SHISA9: variants seen among roughly 807,000 people sequenced by gnomAD.
SHISA9 encodes protein shisa-9.
Under a neutral mutation model 38.0 loss-of-function variants are expected in SHISA9, and 13 were observed. The observed-to-expected ratio is 0.34, with a 90% CI of 0.22 to 0.54. The LOEUF (loss-of-function observed/expected upper bound fraction) is 0.54. Ranked by LOEUF, SHISA9 falls within the 20% of genes least tolerant of loss-of-function variation. The pLI is 0.91. For synonymous variants in SHISA9, 275 were observed against 242.0 expected, an observed-to-expected ratio of 1.14 and a Z score of -1.27; for missense variants, 538 against 575.8, an observed-to-expected ratio of 0.93 and a Z score of 0.67.
At chr16:13,023,631 C>T (rs1317057220) in intron 2 of SHISA9, among the ~76,000 whole-genome samples, 2 of 152,228 alleles carry the variant, frequency 1.3e-5, no homozygotes, top group Non-Finnish European at 2.9e-5. Context: ...TTTACACTCC[C>T]ATCAACAGTG....
At chr16:13,081,557 G>A (rs1418146765) in intron 2 of SHISA9, among the ~76,000 whole-genome samples, 1 of 150,974 alleles carries the variant, frequency 6.6e-6, no homozygotes, top group Non-Finnish European at 1.5e-5. Context: ...TTTTTGATCC[G>A]AGGTAGCCAA....
chr16:12,905,677 C>T (rs574110285), intron 1 of SHISA9, among the ~76,000 whole-genome samples: 8 of 151,566 alleles, frequency 5.3e-5, no homozygotes, highest in South Asian at 4.2e-4. Flanking sequence ...CTGCAACCTC[C>T]GCCTCCCAGG....
At chr16:13,271,777 GGT>G in the SHISA9 span, among the ~76,000 whole-genome samples, 1 of 151,936 alleles carries the variant, frequency 6.6e-6, no homozygotes, top group East Asian at 1.9e-4. Context: ...TTATGGGGGG[GGT>G]GTGTGTGTGA....
At chr16:13,306,237 G>A in the SHISA9 span, among the ~76,000 whole-genome samples, 1 of 152,218 alleles carries the variant, frequency 6.6e-6, no homozygotes, top group African/African-American at 2.4e-5. Context: ...CAATCTGCAG[G>A]AAGGGAGGGG....
intron 2 of SHISA9, among the ~76,000 whole-genome samples, chr16:13,137,536 A>G (rs983652843): frequency 6.7e-6 from 1 of 148,776 alleles, no homozygotes; most frequent in Non-Finnish European, 1.5e-5. Flanking sequence ...GCTCACTGCA[A>G]CGTCCGCCTC....
At chr16:13,031,464 CTG>C (rs1472600948) in intron 2 of SHISA9, among the ~76,000 whole-genome samples, 1 of 152,154 alleles carries the variant, frequency 6.6e-6, no homozygotes. Context: ...CAACCAGTAA[CTG>C]TGCAAAGGCT....
At chr16:13,270,000 G>C in the SHISA9 span, among the ~76,000 whole-genome samples, 94 of 152,208 alleles carry the variant, frequency 6.2e-4, no homozygotes, top group Middle Eastern at 0.014. Flanking sequence ...GAGACCCAGA[G>C]AGCCTGACCC....
At chr16:13,028,592 T>A (rs1446712544) in intron 2 of SHISA9, among the ~76,000 whole-genome samples, 1 of 152,120 alleles carries the variant, frequency 6.6e-6, no homozygotes, top group African/African-American at 2.4e-5. Context: ...ATGATTCAAT[T>A]ATCTCCTACC....
chr16:13,227,745 C>T (rs974566799), intron 4 of SHISA9, among the ~76,000 whole-genome samples: 10 of 152,116 alleles, frequency 6.6e-5, no homozygotes, highest in African/African-American at 2.4e-4. Flanking sequence ...ATAAAGCTTC[C>T]CTGACCACCA....
chr16:13,004,943 G>GAAAAAAA (rs59694628), intron 2 of SHISA9, among the ~76,000 whole-genome samples: 45 of 103,728 alleles, frequency 4.3e-4, no homozygotes, highest in African/African-American at 5.9e-4. Flanking sequence ...TTAAGAAAAA[G>GAAAAAAA]AAAAAAAAAA....
chr16:13,249,567 A>G, the SHISA9 span, among the ~76,000 whole-genome samples: 2 of 152,170 alleles, frequency 1.3e-5, no homozygotes, highest in African/African-American at 2.4e-5. Context: ...AGACCTTGGC[A>G]TCTAATGGGG....
the SHISA9 span, among the ~76,000 whole-genome samples, chr16:13,412,599 A>G: frequency 3.3e-5 from 5 of 152,014 alleles, no homozygotes; most frequent in Non-Finnish European, 7.4e-5. Context: ...GCTCACACCT[A>G]TAATCTCAGC....
chr16:13,482,822 G>A, the SHISA9 span, among the ~76,000 whole-genome samples: 2 of 141,674 alleles, frequency 1.4e-5, no homozygotes, highest in African/African-American at 5.3e-5. Context: ...AAAAAAGAGA[G>A]AGAGAGACGT....
At position 13,139,156 on chromosome 16, in the gene SHISA9, C is replaced by T. The variant is rs542713816; in HGVS notation, c.692-64238C>T. 1.6e-3 allele frequency among the ~76,000 whole-genome samples: 242 copies of T among 152,176 alleles called. 1 individual carries two copies. The highest frequency in any genetic ancestry group is 3.4e-3 in the Middle Eastern group (1 of 294). On this transcript the variant is annotated intron_variant, in intron 2 of 4. Transcript: ENST00000558583. ...GTTGGGTTTTATTTGTAATTTGTTT[C>T]TTCACTTCTTCATTTCTCTTCCTTA...
At chr16:13,544,567 T>A in the SHISA9 span, among the ~76,000 whole-genome samples, 4 of 151,978 alleles carry the variant, frequency 2.6e-5, no homozygotes, top group Admixed American at 1.3e-4. Context: ...TGGCTGGGAT[T>A]TCCCTCACCA....
At chr16:13,117,387 G>T (rs181894651) in intron 2 of SHISA9, among the ~76,000 whole-genome samples, 1 of 152,160 alleles carries the variant, frequency 6.6e-6, no homozygotes, top group African/African-American at 2.4e-5. Context: ...CTGTGAGATG[G>T]CAGAGTGGGC....
intron 3 of SHISA9, 120 bp downstream of exon 3, chr16:13,203,669 C>A: frequency 9.1e-7 from 1 of 1,102,258 alleles, no homozygotes. Flanking sequence ...CTCTTTTTTT[C>A]TCTTTCTGCT....
intron 2 of SHISA9, among the ~76,000 whole-genome samples, chr16:13,117,979 C>T (rs1270819879): frequency 3.9e-5 from 6 of 151,988 alleles, no homozygotes; most frequent in African/African-American, 1.5e-4. Flanking sequence ...ATCAGAAGTT[C>T]GAGACCAGCC....
intron 2 of SHISA9, among the ~76,000 whole-genome samples, chr16:13,200,301 G>C (rs2050992107): frequency 6.6e-6 from 1 of 151,992 alleles, no homozygotes; most frequent in African/African-American, 2.4e-5. Context: ...TGAGTTGTGT[G>C]ATGAGCTGCC....
Sources: gnomAD v4.1 joint callset for allele counts (sites outside exome capture counted in the v4.1 genomes callset) on GRCh38, gnomAD v4.1.1 for gene constraint, MANE v1.5 for transcripts, NCBI Gene and HGNC (gene_info 2026-07-23, HGNC 2026-07-21) for gene names.